The following TRAP1 variants were observed in gnomAD, a reference collection of about 807,000 sequenced individuals.
The protein encoded by TRAP1 is TNF receptor associated protein 1.
In TRAP1, 102 loss-of-function variants were observed where a neutral mutation model predicts 89.1. That is an observed-to-expected ratio of 1.15 (90% CI 0.98 to 1.35). The LOEUF (loss-of-function observed/expected upper bound fraction) is 1.35, where lower values mean the gene tolerates loss of function less well. Ranked by LOEUF, TRAP1 falls within the 40% of genes most tolerant of loss-of-function variation. TRAP1 has a pLI of 0.00. For missense variants in TRAP1, 1,256 were observed against 945.3 expected, an observed-to-expected ratio of 1.33 and a Z score of -4.31; for synonymous variants, 508 against 388.0, an observed-to-expected ratio of 1.31 and a Z score of -3.64.
chr16:3,686,741 C>G (rs896566928), intron 3 of TRAP1, among the ~76,000 whole-genome samples: 3 of 152,102 alleles, frequency 2.0e-5, no homozygotes, highest in Middle Eastern at 3.2e-3. Context: ...GAGGCTGAAG[C>G]AGGTGGATCA....
intron 1 of TRAP1, among the ~76,000 whole-genome samples, chr16:3,701,476 C>T (rs564457895): frequency 6.6e-6 from 1 of 150,930 alleles, no homozygotes; most frequent in South Asian, 2.1e-4. Flanking sequence ...TCGCTTGAAC[C>T]CGAGGCAGAG....
intron 16 of TRAP1, chr16:3,660,168 A>T (rs1342902523): frequency 6.6e-6 from 1 of 152,266 alleles, no homozygotes; most frequent in Non-Finnish European, 1.5e-5. Flanking sequence ...ACTGCACAGC[A>T]AGTTCCCCCT....
At chr16:3,696,202 G>C (rs950818412) in intron 1 of TRAP1, among the ~76,000 whole-genome samples, 2 of 152,120 alleles carry the variant, frequency 1.3e-5, no homozygotes, top group African/African-American at 4.8e-5. Context: ...CTTGGTTTGT[G>C]AATACCTCTC....
chr16:3,690,734 T>C, intron 2 of TRAP1, 93 bp downstream of exon 2: 1 of 1,262,042 alleles, frequency 7.9e-7, no homozygotes, highest in Non-Finnish European at 1.0e-6. Context: ...AGGCGGTGGC[T>C]CTACCAATCA....
rs1037014847 is a variant in TRAP1, at chr16:3,698,592, G to A, written c.89-7607C>T. 3.3e-5 allele frequency among the ~76,000 whole-genome samples: 5 copies of A among 150,416 alleles called. No individual in the cohort carries two copies. In the South Asian group the frequency reaches 6.7e-4, roughly 20 times the overall value. On this transcript the variant is annotated intron_variant, in intron 1 of 17. Coordinates refer to ENST00000246957, the MANE Select transcript of TRAP1 (RefSeq NM_016292.3). The stretch of plus-strand genomic sequence containing the variant: ...GCTGGGATTACAGGCGTGAGCCACC[G>A]CGCCCGGCTTCTACAACAACTTTTA...
chr16:3,696,489 A>C (rs575274758), intron 1 of TRAP1, among the ~76,000 whole-genome samples: 32 of 152,264 alleles, frequency 2.1e-4, no homozygotes, highest in African/African-American at 7.0e-4. Flanking sequence ...TCCAATGAAT[A>C]AACACAAGGA....
Position 3,717,472 on chromosome 16 carries a change from G to A in TRAP1, c.37C>T (p.Arg13Cys), listed in dbSNP as rs737260. The A allele has an allele frequency of 0.08, 104,801 of 1,311,304 alleles. 4,813 individuals carry two copies. Among genetic ancestry groups the A allele is most frequent in the Admixed American group, 0.11 (2,756 of 25,600 alleles). The allele number at this position is 1,311,304 out of a possible 1,614,324, so 81.2% of individuals were successfully genotyped here. The stretch of plus-strand genomic sequence containing the variant: ...GCCCGCAGCAAAGGCCGCAGGCGGC[G>A]GCCCCACAGCAGCAGCGCCCGCAGC... ...RELRALLLWG[R>C]RLRPLLRAPA... The change falls in exon 1 of 18, where the codon CGC becomes TGC. Residue 13 changes from arginine to cysteine, a missense_variant. By Grantham distance (180) the Arg-to-Cys change is radical (BLOSUM62 -3). Transcript: ENST00000246957.
chr16:3,710,458 A>G (rs889931318), intron 1 of TRAP1: 1 of 152,218 alleles, frequency 6.6e-6, no homozygotes, highest in Non-Finnish European at 1.5e-5. Flanking sequence ...GGGAGCCTAC[A>G]TATTAAAACA....
chr16:3,711,545 G>C (rs1043210682), intron 1 of TRAP1, among the ~76,000 whole-genome samples: 1 of 151,872 alleles, frequency 6.6e-6, no homozygotes, highest in South Asian at 2.1e-4. Context: ...ATTGCAGTGA[G>C]CCGAGTTCGT....
chr16:3,693,103 C>G (rs531923266), intron 1 of TRAP1, among the ~76,000 whole-genome samples: 1 of 152,168 alleles, frequency 6.6e-6, no homozygotes, highest in Admixed American at 6.6e-5. Flanking sequence ...CAGGCACCAG[C>G]CACCATGCCT....
At chr16:3,685,433 C>T (rs1345837907) in intron 4 of TRAP1, among the ~76,000 whole-genome samples, 2 of 152,102 alleles carry the variant, frequency 1.3e-5, no homozygotes, top group East Asian at 3.9e-4. Context: ...AAAGGGAATA[C>T]TCAGATCCCA....
At chr16:3,700,261 G>C (rs570968112) in intron 1 of TRAP1, among the ~76,000 whole-genome samples, 5 of 149,466 alleles carry the variant, frequency 3.3e-5, no homozygotes, top group Non-Finnish European at 5.9e-5. Context: ...TCCTCCTCCC[G>C]GGTTCAAGCG....
At chr16:3,699,588 T>G (rs1298552455) in intron 1 of TRAP1, among the ~76,000 whole-genome samples, 3 of 143,772 alleles carry the variant, frequency 2.1e-5, no homozygotes, top group African/African-American at 7.8e-5. Context: ...ATTGTGCCAT[T>G]GCACTCCAGC....
chr16:3,671,431 C>G (rs1447024003), intron 11 of TRAP1, among the ~76,000 whole-genome samples: 1 of 152,246 alleles, frequency 6.6e-6, no homozygotes, highest in Non-Finnish European at 1.5e-5. Flanking sequence ...TGCTGCAGGG[C>G]TGCAGTCACA....
intron 3 of TRAP1, among the ~76,000 whole-genome samples, chr16:3,686,449 C>G (rs1326128380): frequency 1.3e-5 from 2 of 152,150 alleles, no homozygotes; most frequent in Non-Finnish European, 2.9e-5. Context: ...TCCTAAGTAG[C>G]TGGGCCCACA....
chr16:3,677,700 G>A (rs774849466), intron 5 of TRAP1, 42 bp from the exon 6 acceptor site: 2 of 1,596,846 alleles, frequency 1.3e-6, no homozygotes, highest in South Asian at 2.3e-5. Flanking sequence ...CTCCCCTCCA[G>A]AGAGCAGACA....
At chr16:3,713,735 C>A (rs767173165) in intron 1 of TRAP1, among the ~76,000 whole-genome samples, 1 of 152,204 alleles carries the variant, frequency 6.6e-6, no homozygotes, top group Non-Finnish European at 1.5e-5. Flanking sequence ...TGGGAGACTG[C>A]GTCTGCTGTT....
intron 1 of TRAP1, among the ~76,000 whole-genome samples, chr16:3,700,990 ACT>A (rs1219508147): frequency 6.6e-6 from 1 of 152,180 alleles, no homozygotes; most frequent in African/African-American, 2.4e-5. Context: ...AACAGACTGA[ACT>A]CTAATTATAA....
In TRAP1 at chr16:3,699,933, C is replaced by T. The variant is rs75289463; in HGVS notation, c.89-8948G>A. On this transcript the variant is annotated intron_variant, in intron 1 of 17. Transcript: ENST00000246957. ...CAAGCAATCTTCCTACCTTAGCCTCCCAAAGCTGCTGGGATTACAGGTCTG... is the reference window on the plus strand; with the variant it reads ...CAAGCAATCTTCCTACCTTAGCCTCTCAAAGCTGCTGGGATTACAGGTCTG... 2.2e-3 allele frequency among the ~76,000 whole-genome samples: 341 copies of T among 152,072 alleles called. 4 individuals carry two copies. Among genetic ancestry groups the T allele is most frequent in the African/African-American group, 7.7e-3 (320 of 41,484 alleles).
Sources: gnomAD v4.1 joint callset for allele counts (sites outside exome capture counted in the v4.1 genomes callset) on GRCh38, gnomAD v4.1.1 for gene constraint, MANE v1.5 for transcripts, NCBI Gene and HGNC (gene_info 2026-07-23, HGNC 2026-07-21) for gene names.